The following SEMA6D variants were observed in gnomAD, a reference collection of about 807,000 sequenced individuals.
The protein encoded by SEMA6D is semaphorin 6D.
In SEMA6D, 35 loss-of-function variants were observed where a neutral mutation model predicts 106.6. The ratio of observed to expected loss-of-function variants is 0.33; its 90% CI spans 0.25 to 0.44. SEMA6D has a LOEUF of 0.44. Ranked by LOEUF, SEMA6D falls within the 20% of genes least tolerant of loss-of-function variation. SEMA6D has a pLI of 1.00. For missense variants in SEMA6D, 1,185 were observed against 1,345.9 expected, an observed-to-expected ratio of 0.88 and a Z score of 1.87; for synonymous variants, 499 against 487.7, an observed-to-expected ratio of 1.02 and a Z score of -0.31.
At chr15:47,354,324 CAT>C (rs2038469812) in intron 1 of SEMA6D, among the ~76,000 whole-genome samples, 2 of 146,180 alleles carry the variant, frequency 1.4e-5, no homozygotes, top group Middle Eastern at 4.5e-3. Context: ...TATATACACA[CAT>C]GCATATATAT....
chr15:47,700,464 A>T (rs1481908614), intron 4 of SEMA6D, among the ~76,000 whole-genome samples: 1 of 152,178 alleles, frequency 6.6e-6, no homozygotes, highest in Non-Finnish European at 1.5e-5. Flanking sequence ...TGAGCCTAGA[A>T]GTTAAAGGTT....
At chr15:47,220,329 G>C (rs757822870) in intron 1 of SEMA6D, among the ~76,000 whole-genome samples, 1 of 152,144 alleles carries the variant, frequency 6.6e-6, no homozygotes, top group Non-Finnish European at 1.5e-5. Context: ...CTGTGCCAAG[G>C]TGCTGTTGTG....
intron 1 of SEMA6D, among the ~76,000 whole-genome samples, chr15:47,370,892 T>C (rs2039249256): frequency 6.6e-6 from 1 of 151,990 alleles, no homozygotes; most frequent in African/African-American, 2.4e-5. Flanking sequence ...TAATGTATTA[T>C]GTTTATTTGA....
rs2032445330 is a variant in SEMA6D at position 47,234,946 on chromosome 15, T to A, written c.-239+50528T>A. On this transcript the variant is annotated intron_variant, in intron 1 of 19. Transcript: ENST00000558014. ...CAAACTGTTTCCCATAGAGATCAGA[T>A]TAATTTACATTCCCACCAGCAGTGT... 2.6e-5 allele frequency among the ~76,000 whole-genome samples: 4 copies of A among 151,974 alleles called. No homozygotes were observed. In the South Asian group the frequency reaches 8.3e-4, roughly 31 times the overall value.
intron 3 of SEMA6D, among the ~76,000 whole-genome samples, chr15:47,487,124 A>G (rs1040068208): frequency 1.3e-5 from 2 of 152,220 alleles, no homozygotes; most frequent in Non-Finnish European, 1.5e-5. Context: ...CTTTTCGTAA[A>G]GACAATCAAA....
chr15:47,620,947 T>G (rs2077087363), intron 4 of SEMA6D, among the ~76,000 whole-genome samples: 1 of 151,862 alleles, frequency 6.6e-6, no homozygotes, highest in Admixed American at 6.6e-5. Flanking sequence ...CACGGAATCC[T>G]GCCTTTGTAA....
At position 47,770,733 on chromosome 15, in the gene SEMA6D, C is replaced by T. The variant is rs1195501984; in HGVS notation, c.2170C>T (p.Pro724Ser). The part of the protein sequence containing the change: ...FAKLNGLFDS[P>S]VKEYQQNIDS... ...CAAACTGAATGGTCTCTTTGACAGC[C>T]CTGTCAAGGAATACCAACAGAATAT... The change falls in exon 19 of 19, where the codon CCT becomes TCT. Residue 724 changes from proline to serine, a missense_variant. This residue lies in a region of SEMA6D where 750 missense variants were observed against 783.5 expected (regional missense o/e 0.96). Transcript: ENST00000536845. 2.5e-6 allele frequency: 4 copies of T among 1,613,992 alleles called. No individual in the cohort carries two copies. In the East Asian group the frequency reaches 6.7e-5, roughly 27 times the overall value.
chr15:47,710,281 C>G (rs1022059957), intron 4 of SEMA6D, among the ~76,000 whole-genome samples: 1 of 152,122 alleles, frequency 6.6e-6, no homozygotes, highest in African/African-American at 2.4e-5. Flanking sequence ...ATGACAGTTA[C>G]TGAGGTTGAT....
intron 4 of SEMA6D, among the ~76,000 whole-genome samples, chr15:47,639,590 A>G (rs930761283): frequency 6.6e-6 from 1 of 152,176 alleles, no homozygotes; most frequent in Admixed American, 6.5e-5. Flanking sequence ...AAAAAGAGAA[A>G]TGTTACAGTG....
At chr15:47,528,893 G>A (rs1464584735) in intron 3 of SEMA6D, among the ~76,000 whole-genome samples, 1 of 152,120 alleles carries the variant, frequency 6.6e-6, no homozygotes, top group Admixed American at 6.5e-5. Flanking sequence ...GTGAATAATA[G>A]CCTACTATTG....
intron 1 of SEMA6D, among the ~76,000 whole-genome samples, chr15:47,752,769 G>T (rs984172046): frequency 2.0e-5 from 3 of 152,180 alleles, no homozygotes; most frequent in Non-Finnish European, 2.9e-5. Context: ...AGCATTTAGG[G>T]AGGCCGAGGT....
chr15:47,327,179 T>A (rs920021968), intron 1 of SEMA6D, among the ~76,000 whole-genome samples: 1 of 152,216 alleles, frequency 6.6e-6, no homozygotes, highest in African/African-American at 2.4e-5. Flanking sequence ...GACCTTGGTT[T>A]AAGTTATTTA....
intron 1 of SEMA6D, among the ~76,000 whole-genome samples, chr15:47,251,471 A>G (rs934413395): frequency 2.0e-5 from 3 of 152,170 alleles, no homozygotes; most frequent in Admixed American, 6.5e-5. Context: ...CAAACATGTC[A>G]TATTGGCTGT....
chr15:47,478,333 C>T (rs947560607), intron 3 of SEMA6D, among the ~76,000 whole-genome samples: 1 of 152,146 alleles, frequency 6.6e-6, no homozygotes, highest in Admixed American at 6.6e-5. Flanking sequence ...AAATCAAACA[C>T]ACTTGCATTT....
chr15:47,602,305 G>GGCAA (rs2043480125), intron 4 of SEMA6D, among the ~76,000 whole-genome samples: 3 of 152,132 alleles, frequency 2.0e-5, no homozygotes, highest in South Asian at 4.1e-4. Context: ...TTACATTACA[G>GGCAA]GCAATCTCAT....
At chr15:47,668,295 A>C (rs911576489) in intron 4 of SEMA6D, among the ~76,000 whole-genome samples, 1 of 152,188 alleles carries the variant, frequency 6.6e-6, no homozygotes, top group African/African-American at 2.4e-5. Context: ...TCTTTCTTTT[A>C]CTATAAACAG....
At chr15:47,656,306 A>G (rs2145082521) in intron 4 of SEMA6D, among the ~76,000 whole-genome samples, 1 of 152,350 alleles carries the variant, frequency 6.6e-6, no homozygotes, top group South Asian at 2.1e-4. Flanking sequence ...CTAACCCTGT[A>G]GCTCCCCTAA....
At chr15:47,722,499 T>C (rs1012990442) in intron 1 of SEMA6D, among the ~76,000 whole-genome samples, 88 of 152,206 alleles carry the variant, frequency 5.8e-4, no homozygotes, top group African/African-American at 1.9e-3. Flanking sequence ...CAATAAGATA[T>C]CTGTTATAGT....
At chr15:47,702,557 A>C (rs529385823) in intron 4 of SEMA6D, among the ~76,000 whole-genome samples, 5 of 152,236 alleles carry the variant, frequency 3.3e-5, no homozygotes, top group Non-Finnish European at 7.3e-5. Context: ...TCCACGCAAA[A>C]ACTTGTATAT....
Sources: allele counts gnomAD v4.1 joint callset (sites outside exome capture counted in the v4.1 genomes callset), GRCh38; gene constraint gnomAD v4.1.1; regional missense constraint gnomAD v4.1.1; transcripts MANE v1.5; gene names NCBI Gene and HGNC (gene_info 2026-07-23, HGNC 2026-07-21).